Variants in NEBL observed in about 807,000 individuals in gnomAD.
The protein encoded by NEBL is nebulette, also known as LIM and SH3 protein 2.
In NEBL, 122 loss-of-function variants were observed where a neutral mutation model predicts 140.2. That is an observed-to-expected ratio of 0.87 (90% CI 0.75 to 1.01). The LOEUF (loss-of-function observed/expected upper bound fraction) is 1.01. Among genes scored for constraint, NEBL ranks in the 50% least tolerant of loss-of-function variants. NEBL has a pLI of 0.00. For missense variants in NEBL, 1,365 were observed against 1,231.3 expected (o/e 1.11, Z -1.62); for synonymous variants, 436 against 398.9 (o/e 1.09, Z -1.11).
At chr10:20,819,570 A>G in intron 19 of NEBL, 54 bp from the exon 20 acceptor site, 1 of 1,598,740 alleles carries the variant, frequency 6.3e-7, no homozygotes, top group Admixed American at 1.7e-5. Flanking sequence ...ATACGTCCCA[A>G]AACATTGCAA....
intron 3 of NEBL, among the ~76,000 whole-genome samples, chr10:21,205,390 T>G (rs566900741): frequency 4.8e-4 from 73 of 152,318 alleles, no homozygotes; most frequent in Admixed American, 9.8e-4. Context: ...ATGTATATAA[T>G]GTCAAAAATA....
chr10:20,875,782 C>A (rs999423519), intron 5 of NEBL, among the ~76,000 whole-genome samples: 1 of 152,084 alleles, frequency 6.6e-6, no homozygotes, highest in Non-Finnish European at 1.5e-5. Context: ...GGCAGACAGA[C>A]CTTAAAGAAA....
intron 2 of NEBL, among the ~76,000 whole-genome samples, chr10:21,074,496 T>A (rs1455691747): frequency 6.7e-6 from 1 of 148,362 alleles, no homozygotes; most frequent in Non-Finnish European, 1.5e-5. Flanking sequence ...TTTTTTTTTT[T>A]TGAGTCAGAG....
chr10:21,089,629 C>A lies in NEBL; in HGVS notation c.165-69428G>T, dbSNP rs557038719. ...GTACCTGGCAAAAAGTGGGTGAAAG[C>A]CTGGGTAAGGGGGGCAGGACTGGAG... On this transcript the variant is annotated intron_variant, in intron 2 of 6. Transcript: ENST00000417816. 2.0e-3 allele frequency among the ~76,000 whole-genome samples: 310 copies of A among 152,038 alleles called. 3 individuals are homozygous for A. Among genetic ancestry groups the A allele is most frequent in the African/African-American group, 7.0e-3 (290 of 41,458 alleles).
At chr10:21,232,687 T>A (rs144299159) in intron 3 of NEBL, among the ~76,000 whole-genome samples, 11 of 152,320 alleles carry the variant, frequency 7.2e-5, no homozygotes, top group Admixed American at 1.3e-4. Flanking sequence ...GCTCACGTGG[T>A]AATTCAAGTG....
At chr10:21,224,964 C>T (rs11511167) in intron 3 of NEBL, among the ~76,000 whole-genome samples, 39,752 of 151,990 alleles carry the variant, frequency 0.26, 9,989 homozygotes, top group African/African-American at 0.66. Flanking sequence ...TACTTTTACT[C>T]CTTCCTTTCC....
At chr10:21,208,654 T>C (rs1841868539) in intron 3 of NEBL, among the ~76,000 whole-genome samples, 1 of 152,112 alleles carries the variant, frequency 6.6e-6, no homozygotes, top group African/African-American at 2.4e-5. Context: ...CCAGGCTGCT[T>C]TCTTCCAATG....
At chr10:20,957,246 G>A (rs1358685788) in intron 4 of NEBL, among the ~76,000 whole-genome samples, 6 of 152,248 alleles carry the variant, frequency 3.9e-5, no homozygotes, top group Middle Eastern at 3.4e-3. Flanking sequence ...AGCAGTATCC[G>A]TGTGAGCTTA....
chr10:20,787,296 G>A lies in NEBL; in HGVS notation c.2774C>T (p.Pro925Leu). ...GGAATGGCTTTGCTGATAGGCTCCG[G>A]GAAGAACAGGTGCTGCATGTTAAAC... is the stretch of plus-strand genomic sequence containing the variant. ...RPSDEGAPVL[P>L]GAYQQSHSQG... The change falls in exon 27 of 28, where the codon CCC becomes CTC. Residue 925 changes from proline to leucine, a missense_variant. Physicochemically the swap from Pro to Leu is moderately conservative, Grantham distance 98. Around this residue, in one of 2 missense-constraint regions of NEBL, gnomAD observed 1,323 missense variants for 1,154.8 expected, o/e 1.15. Transcript: ENST00000377122. 1 of 1,612,660 alleles carries A rather than the reference G, an allele frequency of 6.2e-7. No individual in the cohort carries two copies. The highest frequency in any genetic ancestry group is 8.5e-7 in the Non-Finnish European group (1 of 1,179,180).
chr10:20,875,466 G>A (rs760896913), intron 5 of NEBL, among the ~76,000 whole-genome samples: 1 of 152,198 alleles, frequency 6.6e-6, no homozygotes, highest in Admixed American at 6.5e-5. Context: ...TTTTGAAAGT[G>A]GATGTGAAAT....
intron 1 of NEBL, among the ~76,000 whole-genome samples, chr10:21,266,390 A>T (rs1439585815): frequency 1.3e-5 from 2 of 152,020 alleles, no homozygotes; most frequent in Non-Finnish European, 2.9e-5. Flanking sequence ...AACCCACCCA[A>T]CTTGGCCTCC....
intron 2 of NEBL, among the ~76,000 whole-genome samples, chr10:21,131,728 C>A (rs572059347): frequency 2.4e-4 from 30 of 123,708 alleles, no homozygotes; most frequent in Non-Finnish European, 5.6e-4. Context: ...TTTTTCTCCC[C>A]GCTGAACTAG....
Position 21,105,699 on chromosome 10 carries a change from C to G in NEBL, c.164+66684G>C, listed in dbSNP as rs140703715. Reference sequence around the variant, plus strand: ...TGATTTATAATCCTTTGGGTATATACCCAATAAGGGGATCACTGGGTCAAA... The same window carrying G: ...TGATTTATAATCCTTTGGGTATATAGCCAATAAGGGGATCACTGGGTCAAA... On this transcript the variant is annotated intron_variant, in intron 2 of 6. Coordinates refer to the NEBL transcript ENST00000417816. Among the ~76,000 whole-genome samples the G allele has an allele frequency of 5.7e-3, 861 of 152,242 alleles. 4 individuals carry two copies. Among genetic ancestry groups the G allele is most frequent in the South Asian group, 0.026 (127 of 4,826 alleles).
intron 4 of NEBL, among the ~76,000 whole-genome samples, chr10:20,910,258 A>G (rs1489030698): frequency 3.3e-5 from 5 of 152,216 alleles, no homozygotes; most frequent in Non-Finnish European, 7.3e-5. Context: ...TCTTTTATAT[A>G]TGTTATCATG....
intron 20 of NEBL, among the ~76,000 whole-genome samples, chr10:20,818,117 C>T (rs1476040715): frequency 1.3e-5 from 2 of 152,186 alleles, no homozygotes; most frequent in African/African-American, 4.8e-5. Flanking sequence ...TCTCTGACTC[C>T]TACCACCTCC....
At chr10:21,099,966 AAAAAT>A (rs758020281) in intron 2 of NEBL, among the ~76,000 whole-genome samples, 6 of 152,204 alleles carry the variant, frequency 3.9e-5, no homozygotes, top group African/African-American at 7.2e-5. Context: ...AGAGTTGCAA[AAAAAT>A]AAAATAAAAT....
chr10:21,157,861 G>C (rs948961410), intron 2 of NEBL, among the ~76,000 whole-genome samples: 16 of 152,218 alleles, frequency 1.1e-4, no homozygotes, highest in Admixed American at 6.5e-4. Flanking sequence ...AAGATGGCTG[G>C]TGTCCTTAGA....
intron 3 of NEBL, among the ~76,000 whole-genome samples, chr10:21,190,823 A>T (rs768710820): frequency 6.6e-6 from 1 of 152,252 alleles, no homozygotes; most frequent in East Asian, 1.9e-4. Context: ...CAGCAAGTAC[A>T]TAAAGCTATG....
At chr10:21,287,950 A>C (rs1202373230) in intron 1 of NEBL, among the ~76,000 whole-genome samples, 1 of 152,246 alleles carries the variant, frequency 6.6e-6, no homozygotes, top group Non-Finnish European at 1.5e-5. Flanking sequence ...GCATATGTTC[A>C]TATCCATATA....
Sources: gnomAD v4.1 joint callset for allele counts (sites outside exome capture counted in the v4.1 genomes callset) on GRCh38, gnomAD v4.1.1 for gene constraint, gnomAD v4.1.1 regional missense constraint, MANE v1.5 for transcripts, NCBI Gene and HGNC (gene_info 2026-07-23, HGNC 2026-07-21) for gene names.